Variants in PCCA observed in about 807,000 individuals in gnomAD.
The protein encoded by PCCA is propionyl-CoA carboxylase alpha chain, mitochondrial.
PCCA carries 74 observed loss-of-function variants against 101.3 expected under a neutral mutation model. The ratio of observed to expected loss-of-function variants is 0.73; its 90% CI spans 0.61 to 0.89. The LOEUF is 0.89. Ranked by LOEUF, PCCA falls within the 40% of genes least tolerant of loss-of-function variation. The probability of loss-of-function intolerance (pLI) is 0.00; values close to 1 mark genes in which losing one functional copy is unlikely to be tolerated. For synonymous variants in PCCA, 294 were observed against 313.6 expected (o/e 0.94, Z 0.66); for missense variants, 891 against 907.0 (o/e 0.98, Z 0.23).
intron 10 of PCCA, among the ~76,000 whole-genome samples, chr13:100,264,627 T>C (rs2062810385): frequency 6.6e-6 from 1 of 152,034 alleles, no homozygotes; most frequent in South Asian, 2.1e-4. Flanking sequence ...TTTATCCATA[T>C]TGTTGTTGAT....
intron 12 of PCCA, among the ~76,000 whole-genome samples, chr13:100,297,505 A>G (rs999058694): frequency 1.3e-5 from 2 of 152,204 alleles, no homozygotes; most frequent in African/African-American, 4.8e-5. Context: ...AGCACAACCT[A>G]ATTTACCTCA....
At position 100,102,957 on chromosome 13, in the gene PCCA, A is replaced by G. The variant is rs1003935202; in HGVS notation, c.180A>G (p.Glu60=). 4 of 1,578,946 alleles carry G rather than the reference A, an allele frequency of 2.5e-6. No individual in the cohort carries two copies. Among genetic ancestry groups the G allele is most frequent in the Admixed American group, 3.3e-5 (2 of 59,976 alleles). The change falls in exon 2 of 24, where the codon GAA becomes GAG. Residue 60 remains glutamate, a synonymous_variant. Transcript: ENST00000376285. ...NLGSVGYDPN[E]KTFDKILVAN... is the part of the protein sequence containing the mutation. The stretch of plus-strand genomic sequence containing the variant: ...GTTCAGTGGGATATGATCCTAATGA[A>G]AAAGTAAGTATTTAAAAGATATTCT...
chr13:100,089,570 G>A (rs2046088567), intron 1 of PCCA, among the ~76,000 whole-genome samples: 1 of 152,364 alleles, frequency 6.6e-6, no homozygotes, highest in South Asian at 2.1e-4. Flanking sequence ...TTTGTCTTAA[G>A]CTTTCCAGGG....
chr13:100,408,021 G>A (rs1430578674), intron 19 of PCCA, among the ~76,000 whole-genome samples: 3 of 152,034 alleles, frequency 2.0e-5, no homozygotes, highest in African/African-American at 4.8e-5. Context: ...GCATGGTGGC[G>A]GGCGCCTGTT....
chr13:100,233,530 T>C (rs1218927071), intron 7 of PCCA, among the ~76,000 whole-genome samples: 1 of 152,146 alleles, frequency 6.6e-6, no homozygotes, highest in African/African-American at 2.4e-5. Context: ...AATTTGGAGC[T>C]ATATAGGGCT....
intron 18 of PCCA, among the ~76,000 whole-genome samples, chr13:100,350,300 T>C (rs534121188): frequency 6.6e-6 from 1 of 152,002 alleles, no homozygotes; most frequent in South Asian, 2.1e-4. Context: ...GATAAGCCAC[T>C]TCACTGTGAC....
At chr13:100,376,853 G>GA (rs1202420426) in intron 19 of PCCA, among the ~76,000 whole-genome samples, 3 of 151,970 alleles carry the variant, frequency 2.0e-5, no homozygotes, top group Non-Finnish European at 2.9e-5. Flanking sequence ...ACTGGGGTAT[G>GA]AAAAAAAACT....
chr13:100,119,874 T>C (rs2152298647), intron 4 of PCCA, among the ~76,000 whole-genome samples: 1 of 152,232 alleles, frequency 6.6e-6, no homozygotes, highest in East Asian at 1.9e-4. Flanking sequence ...ATATTATTTA[T>C]TTATTTATTT....
chr13:100,504,935 A>C (rs1594049275), intron 21 of PCCA, among the ~76,000 whole-genome samples: 2 of 88,224 alleles, frequency 2.3e-5, no homozygotes, highest in East Asian at 3.7e-4. Context: ...ACTCTGTCTC[A>C]AAAAAAAAAG....
Position 100,089,107 on chromosome 13 carries a change from C to G in PCCA, c.-14C>G. Reference sequence around the variant, plus strand: ...TGTGAGAGGTCAGCAGAGGGGCGGTCTGCGGGGACAACAATGGCGGGGTTC... The same window carrying G: ...TGTGAGAGGTCAGCAGAGGGGCGGTGTGCGGGGACAACAATGGCGGGGTTC... On this transcript the variant is annotated 5_prime_UTR_variant, in exon 1 of 24. Transcript: ENST00000376285. The G allele has an allele frequency of 6.7e-7, 1 of 1,481,524 alleles. No homozygotes were observed. Among genetic ancestry groups the G allele is most frequent in the East Asian group, 2.8e-5 (1 of 36,266 alleles). 91.8% of individuals were successfully genotyped at this position (1,481,524 alleles called of 1,614,324 possible). A position where few individuals can be genotyped will look rare whatever the true frequency, so the allele number is the denominator to read the frequency against.
At position 100,165,365 on chromosome 13, in the gene PCCA, T is replaced by C. The variant is rs146696556; in HGVS notation, c.468+8025T>C. On this transcript the variant is annotated intron_variant, in intron 6 of 23. Coordinates refer to ENST00000376285, the MANE Select transcript of PCCA (RefSeq NM_000282.4). ...CTGGGTAATTAGTTGACTCATTGGA[T>C]ATTTGTAATGTCCGCTTTACATAAG... Among the ~76,000 whole-genome samples, 611 of 152,332 alleles carry C rather than the reference T, an allele frequency of 4.0e-3. 3 individuals carry two copies. Among genetic ancestry groups the C allele is most frequent in the Non-Finnish European group, 6.1e-3 (412 of 68,034 alleles).
chr13:100,323,414 C>T (rs1011829765), intron 16 of PCCA, among the ~76,000 whole-genome samples: 37 of 152,006 alleles, frequency 2.4e-4, no homozygotes, highest in African/African-American at 7.7e-4. Context: ...CTTCACCTCC[C>T]GGCTTCAAGC....
intron 6 of PCCA, among the ~76,000 whole-genome samples, chr13:100,169,195 A>G (rs1466624230): frequency 7.0e-6 from 1 of 142,776 alleles, no homozygotes; most frequent in Non-Finnish European, 1.6e-5. Context: ...TAATCCCAGC[A>G]CTTTCGGAGG....
At chr13:100,469,672 C>G (rs983396596) in intron 21 of PCCA, among the ~76,000 whole-genome samples, 74 of 151,516 alleles carry the variant, frequency 4.9e-4, no homozygotes, top group Non-Finnish European at 5.9e-4. Context: ...GCTACTCACT[C>G]GGGAGGTTGA....
chr13:100,518,997 C>G lies in PCCA; in HGVS notation c.2040+3430C>G, dbSNP rs137965880. On this transcript the variant is annotated intron_variant, in intron 22 of 23. Transcript: ENST00000376285. ...GCTGCTGAATTTATTGCATAATTTT[C>G]ACTTTGACTTTGAAGTCAAATAAAG... is the stretch of plus-strand genomic sequence containing the variant. Among the ~76,000 whole-genome samples the G allele has an allele frequency of 6.1e-3, 932 of 152,300 alleles. 10 individuals carry two copies. The highest frequency in any genetic ancestry group is 0.022 in the African/African-American group (895 of 41,572).
intron 8 of PCCA, among the ~76,000 whole-genome samples, chr13:100,239,100 G>A (rs1266325995): frequency 6.6e-6 from 1 of 152,146 alleles, no homozygotes; most frequent in Non-Finnish European, 1.5e-5. Flanking sequence ...GATGAATTAA[G>A]TGCCTTTTAC....
chr13:100,316,141 ATGTT>A, intron 16 of PCCA, among the ~76,000 whole-genome samples: 1 of 152,266 alleles, frequency 6.6e-6, no homozygotes, highest in African/African-American at 2.4e-5. Flanking sequence ...CGAGGCATAG[ATGTT>A]TGTTGTCTGC....
chr13:100,146,507 G>A (rs1021784410), intron 4 of PCCA, among the ~76,000 whole-genome samples: 55 of 151,412 alleles, frequency 3.6e-4, no homozygotes, highest in African/African-American at 1.3e-3. Context: ...CCCAAGAGGC[G>A]GAGGTTGCAG....
At chr13:100,525,038 C>G (rs963685822) in intron 22 of PCCA, among the ~76,000 whole-genome samples, 2 of 146,164 alleles carry the variant, frequency 1.4e-5, no homozygotes, top group Non-Finnish European at 1.5e-5. Flanking sequence ...GACAGACAGA[C>G]AGGCAGATAA....
Sources: allele counts gnomAD v4.1 joint callset (sites outside exome capture counted in the v4.1 genomes callset), GRCh38; gene constraint gnomAD v4.1.1; transcripts MANE v1.5; gene names NCBI Gene and HGNC (gene_info 2026-07-23, HGNC 2026-07-21).